The following DPYD variants were observed in gnomAD, a reference collection of about 807,000 sequenced individuals.
DPYD encodes the protein dihydropyrimidine dehydrogenase.
A neutral mutation model predicts 116.2 loss-of-function variants in DPYD; 109 were observed. That is an observed-to-expected ratio of 0.94 (90% CI 0.80 to 1.10). The LOEUF (loss-of-function observed/expected upper bound fraction) is 1.10, where lower values mean the gene tolerates loss of function less well. Among genes scored for constraint, DPYD ranks in the 50% least tolerant of loss-of-function variants. The pLI is 0.00. For synonymous variants in DPYD, 440 were observed against 432.0 expected, an observed-to-expected ratio of 1.02 and a Z score of -0.23; for missense variants, 1,302 against 1,254.5, an observed-to-expected ratio of 1.04 and a Z score of -0.57.
intron 13 of DPYD, among the ~76,000 whole-genome samples, chr1:97,474,223 C>G (rs987062274): frequency 2.0e-5 from 3 of 151,982 alleles, no homozygotes; most frequent in African/African-American, 7.2e-5. Flanking sequence ...ATAAAATATT[C>G]TAACGATGAA....
intron 19 of DPYD, among the ~76,000 whole-genome samples, chr1:97,205,638 G>T (rs184863021): frequency 6.6e-6 from 1 of 152,104 alleles, no homozygotes; most frequent in East Asian, 1.9e-4. Context: ...AGTGTAATCT[G>T]ATATCCATAG....
intron 8 of DPYD, among the ~76,000 whole-genome samples, chr1:97,618,176 G>C (rs1166448640): frequency 6.6e-6 from 1 of 152,010 alleles, no homozygotes; most frequent in Admixed American, 6.6e-5. Flanking sequence ...CCTTAGTACT[G>C]TTCTAGATCA....
intron 13 of DPYD, among the ~76,000 whole-genome samples, chr1:97,499,109 C>A (rs1404734094): frequency 6.6e-6 from 1 of 151,510 alleles, no homozygotes; most frequent in Non-Finnish European, 1.5e-5. Context: ...ACAGCACTGA[C>A]CTCTATCTGA....
intron 14 of DPYD, among the ~76,000 whole-genome samples, chr1:97,385,525 TA>T (rs34091738): frequency 0.12 from 17,161 of 140,610 alleles, 1,300 homozygotes; most frequent in South Asian, 0.28. Flanking sequence ...ATTTTTTTCT[TA>T]AAAAAAAAAA....
intron 3 of DPYD, among the ~76,000 whole-genome samples, chr1:97,789,749 A>G (rs1667219747): frequency 2.6e-5 from 4 of 152,182 alleles, no homozygotes; most frequent in Admixed American, 1.3e-4. Flanking sequence ...TAAAATAAAT[A>G]TGTCTTCTTA....
chr1:97,808,691 C>G (rs981679574), intron 3 of DPYD, among the ~76,000 whole-genome samples: 2 of 151,898 alleles, frequency 1.3e-5, no homozygotes, highest in Non-Finnish European at 2.9e-5. Context: ...AACATCCTTG[C>G]CTTGTTCCCA....
intron 20 of DPYD, among the ~76,000 whole-genome samples, chr1:97,110,921 C>A (rs1420615638): frequency 6.6e-6 from 1 of 152,008 alleles, no homozygotes; most frequent in Non-Finnish European, 1.5e-5. Context: ...GTAATCCCAG[C>A]ACTTCATAGG....
chr1:97,126,957 T>G (rs561120679), intron 20 of DPYD, among the ~76,000 whole-genome samples: 112 of 152,288 alleles, frequency 7.4e-4, no homozygotes, highest in African/African-American at 2.6e-3. Context: ...GAGTTGTGTT[T>G]ATGTACAAAG....
intron 16 of DPYD, among the ~76,000 whole-genome samples, chr1:97,364,920 T>C (rs1570599817): frequency 6.6e-6 from 1 of 152,174 alleles, no homozygotes; most frequent in South Asian, 2.1e-4. Context: ...CCTATCGCAG[T>C]TGGAAACCTT....
intron 12 of DPYD, chr1:97,545,697 A>G (rs914798874): frequency 2.2e-6 from 2 of 893,290 alleles, no homozygotes; most frequent in African/African-American, 3.3e-5. Flanking sequence ...GTGAAACTAA[A>G]AACTGCCAAC....
At chr1:97,431,086 T>C (rs1250133417) in intron 14 of DPYD, among the ~76,000 whole-genome samples, 2 of 152,136 alleles carry the variant, frequency 1.3e-5, no homozygotes, top group East Asian at 3.8e-4. Flanking sequence ...GCTCCCCTTA[T>C]GCACCAGCCA....
At chr1:97,462,708 C>G (rs1282132917) in intron 13 of DPYD, among the ~76,000 whole-genome samples, 1 of 152,202 alleles carries the variant, frequency 6.6e-6, no homozygotes, top group African/African-American at 2.4e-5. Flanking sequence ...GTATTTTACC[C>G]TAAACTATAT....
chr1:97,420,622 A>T (rs780847513), intron 14 of DPYD, among the ~76,000 whole-genome samples: 1 of 152,032 alleles, frequency 6.6e-6, no homozygotes, highest in Non-Finnish European at 1.5e-5. Context: ...GCCTTTCGTA[A>T]CTGGGCTCCT....
intron 18 of DPYD, among the ~76,000 whole-genome samples, chr1:97,263,041 C>G (rs1663993362): frequency 6.6e-6 from 1 of 152,130 alleles, no homozygotes; most frequent in South Asian, 2.1e-4. Context: ...ATTCAACAAG[C>G]TTGATCTTGA....
intron 19 of DPYD, among the ~76,000 whole-genome samples, chr1:97,196,822 T>C (rs1658847682): frequency 6.6e-6 from 1 of 152,176 alleles, no homozygotes; most frequent in Non-Finnish European, 1.5e-5. Flanking sequence ...GAAAAACTTT[T>C]AATATAACTA....
chr1:97,787,581 C>A (rs576095942), intron 3 of DPYD, among the ~76,000 whole-genome samples: 1 of 152,114 alleles, frequency 6.6e-6, no homozygotes, highest in African/African-American at 2.4e-5. Flanking sequence ...AAGTCTAAGG[C>A]ACACCATTTA....
chr1:97,407,112 T>C (rs1673703515), intron 14 of DPYD, among the ~76,000 whole-genome samples: 1 of 152,132 alleles, frequency 6.6e-6, no homozygotes, highest in Non-Finnish European at 1.5e-5. Flanking sequence ...AAACTACCTT[T>C]CTAAATTAAA....
chr1:97,082,969 G>T (rs1649265558), intron 21 of DPYD, among the ~76,000 whole-genome samples: 1 of 152,098 alleles, frequency 6.6e-6, no homozygotes, highest in Non-Finnish European at 1.5e-5. Context: ...TGCTGTGATA[G>T]AATACTCACC....
rs142577617 is a variant in DPYD, at chr1:97,649,326, T to C, written c.850+29769A>G. Among the ~76,000 whole-genome samples, 885 of 152,192 alleles carry C rather than the reference T, an allele frequency of 5.8e-3. 7 individuals are homozygous for C. The highest frequency in any genetic ancestry group is 1.0e-2 in the Non-Finnish European group (679 of 67,956). On this transcript the variant is annotated intron_variant, in intron 8 of 22. Transcript: ENST00000370192. Reference sequence around the variant, plus strand: ...CCATTTAAAAACTGGATTTATCTGATAGCACAAAAGATGAGTGAAATATTC... The same window carrying C: ...CCATTTAAAAACTGGATTTATCTGACAGCACAAAAGATGAGTGAAATATTC...
Sources: gnomAD v4.1 joint callset for allele counts (sites outside exome capture counted in the v4.1 genomes callset) on GRCh38, gnomAD v4.1.1 for gene constraint, MANE v1.5 for transcripts, NCBI Gene and HGNC (gene_info 2026-07-23, HGNC 2026-07-21) for gene names.